The following MMP26 variants were observed in gnomAD, a reference collection of about 807,000 sequenced individuals.
MMP26 encodes matrix metalloproteinase-26.
MMP26 carries 33 observed loss-of-function variants against 31.0 expected under a neutral mutation model. The observed-to-expected ratio is 1.06, with a 90% confidence interval of 0.81 to 1.42. MMP26 has a LOEUF of 1.42. MMP26 is among the 40% of genes most tolerant of loss of function. MMP26 has a pLI of 0.00. For synonymous variants in MMP26, 122 were observed against 114.9 expected (o/e 1.06, Z -0.40); for missense variants, 347 against 316.1 (o/e 1.10, Z -0.74).
intron 1 of MMP26, chr11:4,723,108 G>A: frequency 6.5e-7 from 1 of 1,548,358 alleles, no homozygotes. Context: ...GCCCGCTGCA[G>A]GGCGGCCTCC....
At chr11:4,848,476 C>G in intron 2 of MMP26, 1 of 1,613,436 alleles carries the variant, frequency 6.2e-7, no homozygotes, top group Non-Finnish European at 8.5e-7. Flanking sequence ...CAGGTTTGAC[C>G]AGCCTTCCAG....
In MMP26 at chr11:4,730,986, C is replaced by G. The variant is rs182711096; in HGVS notation, c.-217+25941C>G. Among the ~76,000 whole-genome samples the G allele has an allele frequency of 3.0e-4, 45 of 151,802 alleles. 2 individuals are homozygous for G. The East Asian group carries it at 4.8e-3, about 16-fold the overall frequency. Reference sequence around the variant, plus strand: ...TGAGATGGAGTTTCACTCTTTTTGCCCAGGCTGGAATGCAATGGTGCGATC... The same window carrying G: ...TGAGATGGAGTTTCACTCTTTTTGCGCAGGCTGGAATGCAATGGTGCGATC... On this transcript the variant is annotated intron_variant, in intron 1 of 7. Coordinates refer to ENST00000380390, the MANE Select transcript of MMP26 (RefSeq NM_021801.5).
At chr11:4,946,314 G>A (rs1846302760) in intron 2 of MMP26, 2 of 1,613,842 alleles carry the variant, frequency 1.2e-6, no homozygotes, top group Middle Eastern at 1.6e-4. Context: ...GCAAAGCGGT[G>A]GACAACGGCC....
rs1846931981 is a variant in MMP26 at position 4,988,072 on chromosome 11, G to A, written c.-140G>A. 4.0e-6 allele frequency: 3 copies of A among 744,272 alleles called. No homozygotes were observed. Among genetic ancestry groups the A allele is most frequent in the Non-Finnish European group, 7.3e-6 (3 of 412,238 alleles). 46.1% of individuals were successfully genotyped at this position (744,272 alleles called of 1,614,324 possible). The stretch of plus-strand genomic sequence containing the variant: ...TGGTCACTCTGCCCTCAGCAGGTAT[G>A]GATGATGACGCCACTCACAGATTCA... On this transcript the variant is annotated 5_prime_UTR_variant, in exon 3 of 8. An upstream start codon of the reference 5' UTR is lost. Transcript: ENST00000380390.
chr11:4,713,081 G>A (rs1847882267), intron 1 of MMP26, among the ~76,000 whole-genome samples: 2 of 151,890 alleles, frequency 1.3e-5, no homozygotes, highest in African/African-American at 4.8e-5. Context: ...ATATATCAGA[G>A]TTTAGGGGGA....
At chr11:4,773,487 A>G (rs1230624588) in intron 2 of MMP26, among the ~76,000 whole-genome samples, 1 of 152,170 alleles carries the variant, frequency 6.6e-6, no homozygotes, top group East Asian at 1.9e-4. Context: ...TTGGAAGGAT[A>G]GCCTTCCACA....
chr11:4,861,304 A>G (rs1266775856), intron 2 of MMP26, among the ~76,000 whole-genome samples: 2 of 150,638 alleles, frequency 1.3e-5, no homozygotes, highest in Non-Finnish European at 3.0e-5. Flanking sequence ...CCAAGTATAT[A>G]CATATATGCT....
chr11:4,849,177 T>A (rs1264816915), intron 2 of MMP26: 4 of 1,612,766 alleles, frequency 2.5e-6, no homozygotes, highest in Non-Finnish European at 3.4e-6. Context: ...AGTGCTGCTA[T>A]TGGGGGCTAT....
In MMP26 at chr11:4,900,869, T is replaced by G. The variant is rs72639629; in HGVS notation, c.-144-87199T>G. Among the ~76,000 whole-genome samples the G allele has an allele frequency of 5.1e-4, 77 of 152,286 alleles. No homozygotes were observed. In the East Asian group the frequency reaches 0.013, roughly 26 times the overall value. Reference sequence around the variant, plus strand: ...TTCTTACATAGAACCACCTCTTTTTTATACAAAGAGGATGAGTGAGTCCAT... The same window carrying G: ...TTCTTACATAGAACCACCTCTTTTTGATACAAAGAGGATGAGTGAGTCCAT... On this transcript the variant is annotated intron_variant, in intron 2 of 7. Transcript: ENST00000380390.
At chr11:4,912,318 C>T (rs918974613) in intron 2 of MMP26, among the ~76,000 whole-genome samples, 4 of 152,066 alleles carry the variant, frequency 2.6e-5, no homozygotes, top group Non-Finnish European at 5.9e-5. Flanking sequence ...CTATACCTGA[C>T]CCCAAGTTTA....
intron 1 of MMP26, among the ~76,000 whole-genome samples, chr11:4,767,049 A>C (rs888957819): frequency 6.6e-6 from 1 of 152,206 alleles, no homozygotes; most frequent in Non-Finnish European, 1.5e-5. Flanking sequence ...ATTCATTTAC[A>C]TAATGGCATT....
chr11:4,743,435 C>T (rs1479594511), intron 1 of MMP26, among the ~76,000 whole-genome samples: 4 of 152,148 alleles, frequency 2.6e-5, no homozygotes, highest in Non-Finnish European at 5.9e-5. Flanking sequence ...AGGATTTGAG[C>T]TATGGATACT....
chr11:4,901,861 ATAT>A (rs1483799652), intron 2 of MMP26, among the ~76,000 whole-genome samples: 5 of 152,222 alleles, frequency 3.3e-5, no homozygotes, highest in African/African-American at 1.2e-4. Flanking sequence ...GGTCAATAAA[ATAT>A]TATGCAAAAT....
intron 1 of MMP26, among the ~76,000 whole-genome samples, chr11:4,735,857 A>G (rs1171315509): frequency 6.6e-6 from 1 of 152,186 alleles, no homozygotes; most frequent in African/African-American, 2.4e-5. Flanking sequence ...ATTGTTTTAC[A>G]TATAATTTCG....
chr11:4,969,460 A>G (rs1846637142), intron 2 of MMP26, among the ~76,000 whole-genome samples: 1 of 152,076 alleles, frequency 6.6e-6, no homozygotes, highest in Admixed American at 6.5e-5. Context: ...CAAGGTAAAC[A>G]TAACACCAAA....
intron 1 of MMP26, among the ~76,000 whole-genome samples, chr11:4,753,175 A>G (rs1848467412): frequency 6.6e-6 from 1 of 152,132 alleles, no homozygotes; most frequent in Non-Finnish European, 1.5e-5. Context: ...CCAGCATCCC[A>G]GAAGACCTCT....
intron 2 of MMP26, among the ~76,000 whole-genome samples, chr11:4,782,273 G>T (rs1371471933): frequency 6.6e-6 from 1 of 152,200 alleles, no homozygotes; most frequent in South Asian, 2.1e-4. Flanking sequence ...ATGAAACCCA[G>T]GCTGAGGTGG....
chr11:4,769,908 G>GA, intron 2 of MMP26: 1 of 1,588,152 alleles, frequency 6.3e-7, no homozygotes, highest in Non-Finnish European at 8.6e-7. Context: ...GAGTTGCTTA[G>GA]GATTTCCATG....
chr11:4,829,265 C>T (rs1367893257), intron 2 of MMP26, among the ~76,000 whole-genome samples: 2 of 152,230 alleles, frequency 1.3e-5, no homozygotes, highest in South Asian at 2.1e-4. Context: ...TATAAGTCTG[C>T]TAGTTTACTG....
Sources: gnomAD v4.1 joint callset for allele counts (sites outside exome capture counted in the v4.1 genomes callset) on GRCh38, gnomAD v4.1.1 for gene constraint, MANE v1.5 for transcripts, NCBI Gene and HGNC (gene_info 2026-07-23, HGNC 2026-07-21) for gene names.